GIGYF2: variants seen among roughly 807,000 people sequenced by gnomAD.
GIGYF2 encodes GRB10-interacting GYF protein 2.
GIGYF2 carries 25 observed loss-of-function variants against 208.1 expected under a neutral mutation model. That is an observed-to-expected ratio of 0.12 (90% CI 0.09 to 0.17). The LOEUF is 0.17. Among genes scored for constraint, GIGYF2 ranks in the 10% least tolerant of loss-of-function variants. The pLI is 1.00. For missense variants in GIGYF2, 1,302 were observed against 1,579.4 expected (o/e 0.82, Z 2.98); for synonymous variants, 534 against 543.8 (o/e 0.98, Z 0.25).
intron 2 of GIGYF2, among the ~76,000 whole-genome samples, chr2:232,714,492 A>G (rs1388873349): frequency 6.6e-6 from 1 of 152,174 alleles, no homozygotes; most frequent in Non-Finnish European, 1.5e-5. Flanking sequence ...TACTTTTAGT[A>G]AGTTTAGTCT....
chr2:232,823,495 T>A (rs1025909565), intron 21 of GIGYF2, among the ~76,000 whole-genome samples: 1 of 151,702 alleles, frequency 6.6e-6, no homozygotes, highest in African/African-American at 2.4e-5. Flanking sequence ...TTGGGCCACA[T>A]GCTCATGCCA....
chr2:232,821,676 G>T (rs1193635142), intron 21 of GIGYF2, among the ~76,000 whole-genome samples: 1 of 152,034 alleles, frequency 6.6e-6, no homozygotes, highest in East Asian at 1.9e-4. Context: ...GATAAGCAGA[G>T]ATTTTTAATT....
chr2:232,726,841 G>A (rs12052869), intron 2 of GIGYF2, among the ~76,000 whole-genome samples: 27,533 of 152,116 alleles, frequency 0.18, 2,828 homozygotes, highest in Non-Finnish European at 0.22. Context: ...CTAAGCAACT[G>A]TGATTTTACA....
At chr2:232,768,630 C>G (rs940166965) in intron 8 of GIGYF2, 2 of 1,613,918 alleles carry the variant, frequency 1.2e-6, no homozygotes, top group Non-Finnish European at 1.7e-6. Flanking sequence ...GTAGAGTTTG[C>G]CATTTTCTCT....
rs1324345849 is a variant in GIGYF2, at chr2:232,858,553, T to C, written c.*1693T>C. 2.2e-6 allele frequency: 1 copy of C among 456,300 alleles called. No homozygotes were observed. Among genetic ancestry groups the C allele is most frequent in the Non-Finnish European group, 4.4e-6 (1 of 226,792 alleles). The allele number at this position is 456,300 out of a possible 1,614,324, so 28.3% of individuals were successfully genotyped here. On this transcript the variant is annotated 3_prime_UTR_variant, in exon 29 of 29. Transcript: ENST00000373563. ...GGGATAGTTAAAATGTTTACAAAAC[T>C]TTAGGCTCCCTCGGAACTTTTGCCA...
intron 21 of GIGYF2, among the ~76,000 whole-genome samples, chr2:232,823,367 C>CTT (rs1172308444): frequency 2.2e-4 from 6 of 27,836 alleles, no homozygotes; most frequent in African/African-American, 4.9e-4. Flanking sequence ...TTCTTTCTTT[C>CTT]TTTTTTTTTT....
Position 232,806,015 on chromosome 2 carries a change from G to GT in GIGYF2, c.1640-470dup, listed in dbSNP as rs34222655. On this transcript the variant is annotated intron_variant, in intron 14 of 28. Transcript: ENST00000373563. The surrounding 1 kb of genome is among the most constrained non-coding windows in gnomAD (Gnocchi z 4.0). ...ATTATAAAACATTTAGAGAATACTC[G>GT]TTTTTTCCCCACTACCAAGATCAGA... Among the ~76,000 whole-genome samples the GT allele has an allele frequency of 0.65, 99,173 of 152,008 alleles. 32,669 individuals are homozygous for GT. The highest frequency in any genetic ancestry group is 0.7 in the Admixed American group (10,657 of 15,274).
chr2:232,850,058 G>GA (rs1338052563), intron 27 of GIGYF2, among the ~76,000 whole-genome samples: 1 of 152,236 alleles, frequency 6.6e-6, no homozygotes, highest in Non-Finnish European at 1.5e-5. Context: ...ACTGAGCCCT[G>GA]AGTGGGATGT....
intron 23 of GIGYF2, among the ~76,000 whole-genome samples, chr2:232,841,090 T>C (rs900054358): frequency 6.6e-6 from 1 of 151,548 alleles, no homozygotes; most frequent in African/African-American, 2.4e-5. Context: ...AAAAAAAGAA[T>C]TGAACTTTCT....
intron 28 of GIGYF2, among the ~76,000 whole-genome samples, chr2:232,853,519 C>T (rs751526842): frequency 1.8e-4 from 27 of 152,318 alleles, no homozygotes; most frequent in Non-Finnish European, 3.5e-4. Flanking sequence ...GTGATCTGCC[C>T]GCCTTGGCCT....
intron 14 of GIGYF2, among the ~76,000 whole-genome samples, chr2:232,797,433 G>C (rs1349398090): frequency 6.7e-6 from 1 of 149,826 alleles, no homozygotes; most frequent in Non-Finnish European, 1.5e-5. Context: ...TTACTACCTG[G>C]CATTTTACAT....
At chr2:232,817,333 T>C (rs1425478492) in intron 20 of GIGYF2, among the ~76,000 whole-genome samples, 2 of 152,238 alleles carry the variant, frequency 1.3e-5, no homozygotes, top group Non-Finnish European at 2.9e-5. Flanking sequence ...AACTTTGATG[T>C]GCAGCATTAA....
intron 3 of GIGYF2, among the ~76,000 whole-genome samples, chr2:232,744,002 T>C (rs1361302162): frequency 6.6e-6 from 1 of 152,092 alleles, no homozygotes; most frequent in African/African-American, 2.4e-5. Flanking sequence ...TGCACCACCA[T>C]GCTCTGCTAA....
intron 2 of GIGYF2, chr2:232,729,699 C>A: frequency 1.3e-6 from 1 of 780,738 alleles, no homozygotes; most frequent in Non-Finnish European, 2.3e-6. Context: ...ACTAAGCCAT[C>A]TGCTTGAATG....
intron 28 of GIGYF2, among the ~76,000 whole-genome samples, chr2:232,850,674 T>C (rs932931287): frequency 2.0e-5 from 3 of 152,212 alleles, no homozygotes; most frequent in African/African-American, 7.2e-5. Context: ...ATATTTAATA[T>C]GAATTTCCCT....
At chr2:232,740,847 A>G (rs1697943726) in intron 3 of GIGYF2, among the ~76,000 whole-genome samples, 1 of 152,204 alleles carries the variant, frequency 6.6e-6, no homozygotes, top group Non-Finnish European at 1.5e-5. Flanking sequence ...GTTTTCAGAA[A>G]GGGTAAAATA....
intron 13 of GIGYF2, among the ~76,000 whole-genome samples, chr2:232,795,334 T>A (rs531233431): frequency 0.014 from 2,064 of 152,306 alleles, 21 homozygotes; most frequent in Non-Finnish European, 0.021. Context: ...CTTATTCATG[T>A]CTCTAAATTT....
intron 21 of GIGYF2, among the ~76,000 whole-genome samples, chr2:232,826,785 C>T (rs910537870): frequency 2.0e-5 from 3 of 152,218 alleles, no homozygotes; most frequent in Admixed American, 1.3e-4. Flanking sequence ...AACAGCATCA[C>T]ATACTGCAGA....
chr2:232,798,340 G>T (rs1319641107), intron 14 of GIGYF2, among the ~76,000 whole-genome samples: 3 of 152,158 alleles, frequency 2.0e-5, no homozygotes, highest in Non-Finnish European at 4.4e-5. Flanking sequence ...TTAAAGTTTT[G>T]GGGCTATAAT....
Sources: allele counts gnomAD v4.1 joint callset (sites outside exome capture counted in the v4.1 genomes callset), GRCh38; gene constraint gnomAD v4.1.1; non-coding constraint Gnocchi (gnomAD v3.1); transcripts MANE v1.5; gene names NCBI Gene and HGNC (gene_info 2026-07-23, HGNC 2026-07-21).